SIM2: variants seen among roughly 807,000 people sequenced by gnomAD.
SIM2 encodes the protein single-minded homolog 2.
A neutral mutation model predicts 64.8 loss-of-function variants in SIM2; 28 were observed. The ratio of observed to expected loss-of-function variants is 0.43; its 90% CI spans 0.32 to 0.59. SIM2 has a LOEUF of 0.59. SIM2 is among the 20% of genes least tolerant of loss of function. The pLI, the probability that SIM2 is intolerant of heterozygous loss-of-function variation, is 0.07. For synonymous variants in SIM2, 408 were observed against 391.1 expected (o/e 1.04, Z -0.51); for missense variants, 847 against 871.4 (o/e 0.97, Z 0.35).
At chr21:36,731,584 G>A (rs1047453875) in intron 7 of SIM2, among the ~76,000 whole-genome samples, 5 of 152,172 alleles carry the variant, frequency 3.3e-5, no homozygotes, top group African/African-American at 7.2e-5. Context: ...TTACCAGTGA[G>A]GATGCTGAGG....
chr21:36,700,095 G>T (rs1003160495), intron 1 of SIM2, among the ~76,000 whole-genome samples, 174 bp downstream of exon 1: 2 of 152,216 alleles, frequency 1.3e-5, no homozygotes, highest in Non-Finnish European at 2.9e-5. Flanking sequence ...GGGGCGAGGG[G>T]CCAGGGCCTT....
rs373330245 is a variant in SIM2 at position 36,723,150 on chromosome 21, C to T, written c.543+20C>T. The T allele has an allele frequency of 1.9e-4, 311 of 1,599,814 alleles. No homozygotes were observed. Among genetic ancestry groups the T allele is most frequent in the African/African-American group, 1.0e-3 (76 of 74,698 alleles). ...TACAAGGTACGGGGAGTCATGGGTG[C>T]GGGGAGGAGCTGGCTAAGGGTCTTC... On this transcript the variant is annotated intron_variant, in intron 5 of 10. Transcript: ENST00000290399.
chr21:36,715,140 C>A (rs2088729313), intron 3 of SIM2, among the ~76,000 whole-genome samples: 1 of 152,156 alleles, frequency 6.6e-6, no homozygotes. Context: ...TACAAAAACA[C>A]TTTAGTGCCA....
intron 1 of SIM2, among the ~76,000 whole-genome samples, chr21:36,702,908 G>C (rs2088523225): frequency 1.5e-5 from 2 of 133,708 alleles, no homozygotes; most frequent in Admixed American, 1.7e-4. Flanking sequence ...CTGGGGTAAA[G>C]AATCTAGAGA....
chr21:36,721,318 C>A (rs2088819769), intron 4 of SIM2, among the ~76,000 whole-genome samples: 1 of 152,214 alleles, frequency 6.6e-6, no homozygotes, highest in African/African-American at 2.4e-5. Context: ...TAGAACATCG[C>A]ACCTGAATCG....
chr21:36,706,489 A>G (rs2088584958), intron 1 of SIM2, among the ~76,000 whole-genome samples: 1 of 152,232 alleles, frequency 6.6e-6, no homozygotes. Flanking sequence ...GGCGCCTAGC[A>G]CAGACTCTTC....
At chr21:36,724,188 C>T (rs963904711) in intron 5 of SIM2, among the ~76,000 whole-genome samples, 1 of 152,216 alleles carries the variant, frequency 6.6e-6, no homozygotes, top group Admixed American at 6.5e-5. Context: ...TGTTACAGTT[C>T]GGGGGACATG....
chr21:36,714,983 T>C (rs2088727053), intron 3 of SIM2, among the ~76,000 whole-genome samples: 1 of 152,242 alleles, frequency 6.6e-6, no homozygotes, highest in South Asian at 2.1e-4. Flanking sequence ...TACCATTTTC[T>C]AAGAAAGTTG....
chr21:36,739,760 C>T (rs1215740267), intron 7 of SIM2, among the ~76,000 whole-genome samples: 1 of 152,050 alleles, frequency 6.6e-6, no homozygotes, highest in Admixed American at 6.6e-5. Context: ...TGGCTCACAC[C>T]TGCAATGGCT....
intron 7 of SIM2, among the ~76,000 whole-genome samples, chr21:36,737,560 G>A (rs1191068613): frequency 1.3e-5 from 2 of 152,224 alleles, no homozygotes; most frequent in Non-Finnish European, 2.9e-5. Flanking sequence ...GCTGTCCATG[G>A]TTTGGAAGAA....
Position 36,726,064 on chromosome 21 carries a change from G to T in SIM2, c.544-55G>T. The T allele has an allele frequency of 6.9e-7, 1 of 1,450,336 alleles. No individual in the cohort carries two copies. The highest frequency in any genetic ancestry group is 1.1e-5 in the South Asian group (1 of 87,438). 89.8% of individuals were successfully genotyped at this position (1,450,336 alleles called of 1,614,324 possible). On this transcript the variant is annotated intron_variant, in intron 5 of 10. Coordinates refer to ENST00000290399, the MANE Select transcript of SIM2 (RefSeq NM_005069.6). The surrounding 1 kb of genome is among the most constrained non-coding windows in gnomAD (Gnocchi z 4.5). ...TTTGAGAAAATGAGCCAGGAGGAGT[G>T]GGCTCCAGCCCAACCCCAGTGGCCA...
intron 1 of SIM2, among the ~76,000 whole-genome samples, chr21:36,708,942 G>C (rs2123425882): frequency 6.6e-6 from 1 of 152,328 alleles, no homozygotes; most frequent in East Asian, 1.9e-4. Flanking sequence ...CGCCCGGGCT[G>C]CCGGCCGCTG....
chr21:36,745,549 T>C lies in SIM2; in HGVS notation c.1576+413T>C, dbSNP rs947346024. On this transcript the variant is annotated intron_variant, in intron 10 of 10. Coordinates refer to ENST00000290399, the MANE Select transcript of SIM2 (RefSeq NM_005069.6). This position sits in a 1 kb window ranked among gnomAD's most constrained non-coding sequence, Gnocchi z 4.8. ...TATTTGAGACAAACGGCCTATTGGC[T>C]ATTTTCCCATGCCAGTTTTGGAAGT... 1 of 1,117,122 alleles carries C rather than the reference T, an allele frequency of 9.0e-7. No homozygotes were observed. Among genetic ancestry groups the C allele is most frequent in the Non-Finnish European group, 1.1e-6 (1 of 902,020 alleles). The allele number at this position is 1,117,122 out of a possible 1,614,324, so 69.2% of individuals were successfully genotyped here.
intron 3 of SIM2, among the ~76,000 whole-genome samples, chr21:36,718,004 T>G (rs1339812405): frequency 6.6e-6 from 1 of 152,172 alleles, no homozygotes; most frequent in Non-Finnish European, 1.5e-5. Context: ...GTGCCAGGCT[T>G]GGGAAGTGGG....
intron 2 of SIM2, chr21:36,710,433 T>A (rs1461856076): frequency 6.6e-6 from 1 of 152,234 alleles, no homozygotes; most frequent in Non-Finnish European, 1.5e-5. Flanking sequence ...CCAGGTGGGC[T>A]GTTGGCGCTG....
chr21:36,734,458 T>C (rs1046396332), intron 7 of SIM2, among the ~76,000 whole-genome samples: 40 of 152,168 alleles, frequency 2.6e-4, no homozygotes, highest in Non-Finnish European at 4.0e-4. Context: ...TTGACAGTGA[T>C]TGCTACTGTC....
chr21:36,745,030 GT>G lies in SIM2; in HGVS notation c.1471del (p.Trp491GlyfsTer7), dbSNP rs1404563803. The G allele has an allele frequency of 2.5e-6, 4 of 1,614,102 alleles. No individual in the cohort carries two copies. The African/African-American group carries it at 5.3e-5, about 22-fold the overall frequency. ...STLPASGECQ[W>X]HYANPLVPSS... ...CACTGCCAGCCAGCGGTGAATGCCA[GT>G]GGCATTATGCCAACCCCCTAGTGCC... On this transcript the variant is annotated frameshift_variant, in exon 10 of 11. Coordinates refer to ENST00000290399, the MANE Select transcript of SIM2 (RefSeq NM_005069.6). LOFTEE classifies it high-confidence loss of function. The surrounding 1 kb of genome is among the most constrained non-coding windows in gnomAD (Gnocchi z 4.8).
At chr21:36,704,384 C>T (rs1160559766) in intron 1 of SIM2, among the ~76,000 whole-genome samples, 1 of 152,240 alleles carries the variant, frequency 6.6e-6, no homozygotes, top group African/African-American at 2.4e-5. Context: ...AGCAGAACAA[C>T]GTAGATTTTT....
In SIM2 at chr21:36,747,994, C is replaced by G. The variant is rs2123516665; in HGVS notation, c.1906C>G (p.Leu636Val). ...CGGCCCCGAGGCGGCGACCGGCGCG[C>G]TGCGGCTCCGGCACCCGAGCCCCGC... ...PGGPEAATGA[L>V]RLRHPSPAAT... Residue 636 changes from leucine to valine, a missense_variant, in exon 11 of 11, where the codon CTG (leucine) becomes GTG (valine). Leu to Val is a conservative substitution (Grantham distance 32, BLOSUM62 1). This residue lies in a region of SIM2 where 447 missense variants were observed against 414.6 expected (regional missense o/e 1.08). Transcript: ENST00000290399. This position sits in a 1 kb window ranked among gnomAD's most constrained non-coding sequence, Gnocchi z 4.5. 1 of 1,092,562 alleles carries G rather than the reference C, an allele frequency of 9.2e-7. No individual in the cohort carries two copies. Among genetic ancestry groups the G allele is most frequent in the East Asian group, 5.3e-5 (1 of 18,922 alleles). 67.7% of individuals were successfully genotyped at this position (1,092,562 alleles called of 1,614,324 possible). A position where few individuals can be genotyped will look rare whatever the true frequency, so the allele number is the denominator to read the frequency against.
Sources: allele counts gnomAD v4.1 joint callset (sites outside exome capture counted in the v4.1 genomes callset), GRCh38; gene constraint gnomAD v4.1.1; regional missense constraint gnomAD v4.1.1; non-coding constraint Gnocchi (gnomAD v3.1); transcripts MANE v1.5; gene names NCBI Gene and HGNC (gene_info 2026-07-23, HGNC 2026-07-21).